Variants in PDE6B observed in about 807,000 individuals in gnomAD.
PDE6B encodes the protein rod cGMP-specific 3',5'-cyclic phosphodiesterase subunit beta.
A neutral mutation model predicts 109.0 loss-of-function variants in PDE6B; 106 were observed. That is an observed-to-expected ratio of 0.97 (90% CI 0.83 to 1.14). The LOEUF is 1.14. PDE6B is among the 50% of genes most tolerant of loss of function. The probability of loss-of-function intolerance (pLI) is 0.00; values close to 1 mark genes in which losing one functional copy is unlikely to be tolerated. For synonymous variants in PDE6B, 490 were observed against 471.3 expected (o/e 1.04, Z -0.51); for missense variants, 1,193 against 1,155.6 (o/e 1.03, Z -0.47).
At position 648,218 on chromosome 4, in the gene PDE6B, G is replaced by A. The variant is rs1339773901; in HGVS notation, c.712-5634G>A. 6.6e-6 allele frequency among the ~76,000 whole-genome samples: 1 copy of A among 152,054 alleles called. No individual in the cohort carries two copies. Among genetic ancestry groups the A allele is most frequent in the Admixed American group, 6.5e-5 (1 of 15,278 alleles). On this transcript the variant is annotated intron_variant, in intron 3 of 21. Coordinates refer to ENST00000496514, the MANE Select transcript of PDE6B (RefSeq NM_000283.4). This position sits in a 1 kb window ranked among gnomAD's most constrained non-coding sequence, Gnocchi z 4.5. ...TTCCAGCCTCTCAGTCTGCAGGCAT[G>A]TGGAGACCAGCTCAAGGTTCTAACA...
At position 662,177 on chromosome 4, in the gene PDE6B, G is replaced by C; in HGVS notation, c.1658G>C (p.Arg553Thr). Residue 553 changes from arginine to threonine, a missense_variant, in exon 13 of 22, where the codon AGA becomes ACA. Physicochemically the swap from Arg to Thr is moderately conservative, Grantham distance 71 (BLOSUM62 -1). Transcript: ENST00000496514. The surrounding 1 kb of genome is among the most constrained non-coding windows in gnomAD (Gnocchi z 4.3). The stretch of plus-strand genomic sequence containing the variant: ...TTCTCCATCAGCAAAGGGTACCGGA[G>C]AATCACCTACCACAACTGGCGCCAC... ...FLFSISKGYRRITYHNWRHGF... is the reference protein window; with the variant it reads ...FLFSISKGYRTITYHNWRHGF... 6.3e-7 allele frequency: 1 copy of C among 1,580,832 alleles called. No homozygotes were observed.
intron 1 of PDE6B, among the ~76,000 whole-genome samples, chr4:628,706 G>T (rs1734237880): frequency 6.6e-6 from 1 of 152,228 alleles, no homozygotes; most frequent in South Asian, 2.1e-4. Flanking sequence ...CCAGGGGTCT[G>T]TCCCAGGAGC....
At position 663,247 on chromosome 4, in the gene PDE6B, G is replaced by C. The variant is rs963351682; in HGVS notation, c.1920+60G>C. 8 of 952,652 alleles carry C rather than the reference G, an allele frequency of 8.4e-6. No individual in the cohort carries two copies. Among genetic ancestry groups the C allele is most frequent in the Non-Finnish European group, 1.4e-5 (8 of 576,286 alleles). The allele number at this position is 952,652 out of a possible 1,614,324, so 59.0% of individuals were successfully genotyped here. A position where few individuals can be genotyped will look rare whatever the true frequency, so the allele number is the denominator to read the frequency against. On this transcript the variant is annotated intron_variant, in intron 15 of 21. Transcript: ENST00000496514. The surrounding 1 kb of genome is among the most constrained non-coding windows in gnomAD (Gnocchi z 4.0). ...GCTGGGGACGCAGCGTCCGCAGGAC[G>C]GCAGGGCCGTATCCTGCGGAGCAGG...
intron 3 of PDE6B, among the ~76,000 whole-genome samples, chr4:646,152 T>C (rs754099734): frequency 2.8e-4 from 42 of 152,096 alleles, no homozygotes; most frequent in Non-Finnish European, 5.0e-4. Context: ...CTTTGAACAT[T>C]TTCTGCTGGG....
chr4:656,429 C>T, intron 8 of PDE6B, 137 bp downstream of exon 8: 1 of 735,802 alleles, frequency 1.4e-6, no homozygotes, highest in Admixed American at 1.9e-5. Context: ...CCTGTAATCC[C>T]AGCACTTTGG....
intron 5 of PDE6B, 142 bp from the exon 6 acceptor site, chr4:654,682 C>CACGTGTGTACACATGCACGGTT (rs2109198427): frequency 1.3e-6 from 1 of 769,556 alleles, no homozygotes; most frequent in South Asian, 1.4e-5. Context: ...GACATCTGTT[C>CACGTGTGTACACATGCACGGTT]ACGTGTGTAC....
At position 665,065 on chromosome 4, in the gene PDE6B, C is replaced by A; in HGVS notation, c.2193+121C>A. 2 of 896,250 alleles carry A rather than the reference C, an allele frequency of 2.2e-6. No homozygotes were observed. The highest frequency in any genetic ancestry group is 1.3e-5 in the South Asian group (1 of 74,078). The allele number at this position is 896,250 out of a possible 1,614,324, so 55.5% of individuals were successfully genotyped here. On this transcript the variant is annotated intron_variant, in intron 18 of 21. Coordinates refer to ENST00000496514, the MANE Select transcript of PDE6B (RefSeq NM_000283.4). This position sits in a 1 kb window ranked among gnomAD's most constrained non-coding sequence, Gnocchi z 4.0. ...TTGCAAGGAGCTCTGAGGGCCACCT[C>A]GGGGCCAGGCCAGGGCGGCAAGGAT...
chr4:656,451 G>A (rs529640312), intron 8 of PDE6B, among the ~76,000 whole-genome samples, 159 bp downstream of exon 8: 3 of 152,132 alleles, frequency 2.0e-5, no homozygotes, highest in Non-Finnish European at 2.9e-5. Context: ...AGGCTGAGGC[G>A]GGTGGATCAC....
rs1022051139 is a variant in PDE6B, at chr4:662,248, G to A, written c.1722+7G>A. The stretch of plus-strand genomic sequence containing the variant: ...GATGTTCACGCTGCTCATGGTACGT[G>A]GCTGCCAGAATCACCAGGGTTGTGC... On this transcript the variant is annotated splice_region_variant and intron_variant, in intron 13 of 21. Coordinates refer to ENST00000496514, the MANE Select transcript of PDE6B (RefSeq NM_000283.4). This position sits in a 1 kb window ranked among gnomAD's most constrained non-coding sequence, Gnocchi z 4.3. The A allele has an allele frequency of 1.3e-6, 2 of 1,503,570 alleles. No individual in the cohort carries two copies. Among genetic ancestry groups the A allele is most frequent in the Non-Finnish European group, 1.8e-6 (2 of 1,100,922 alleles). 93.1% of individuals were successfully genotyped at this position (1,503,570 alleles called of 1,614,324 possible).
intron 3 of PDE6B, chr4:651,471 A>T (rs1735545905): frequency 6.5e-6 from 1 of 153,108 alleles, no homozygotes; most frequent in African/African-American, 2.4e-5. Flanking sequence ...TGAGTTCGGC[A>T]GGAGACAGAC....
At position 634,678 on chromosome 4, in the gene PDE6B, G is replaced by T; in HGVS notation, c.470G>T (p.Cys157Phe). Reference sequence around the variant, plus strand: ...AGCCTCTTTCCTCTCTTGCGGCAGTGCCCTCACTTCAGCTCATTTGCTGAC... The same window carrying T: ...AGCCTCTTTCCTCTCTTGCGGCAGTTCCCTCACTTCAGCTCATTTGCTGAC... The part of the protein sequence containing the change: ...KMVNVEDVAE[C>F]PHFSSFADEL... Residue 157 changes from cysteine to phenylalanine, a missense_variant and splice_region_variant, in exon 2 of 22, where the codon TGC becomes TTC. Physicochemically the swap from Cys to Phe is radical, Grantham distance 205 (BLOSUM62 -2). Coordinates refer to ENST00000496514, the MANE Select transcript of PDE6B (RefSeq NM_000283.4). The T allele has an allele frequency of 6.2e-7, 1 of 1,612,432 alleles. No homozygotes were observed.
rs1577317119 is a variant in PDE6B at position 670,159 on chromosome 4, T to C, written c.*52T>C. ...CTCCCTCAATCTTCACCCACTAGGA[T>C]TTGGGTTCTGCCTGTGGCTATTTGC... On this transcript the variant is annotated 3_prime_UTR_variant, in exon 22 of 22. Transcript: ENST00000496514. 5.0e-6 allele frequency: 8 copies of C among 1,611,276 alleles called. No homozygotes were observed. The East Asian group carries it at 1.8e-4, about 36-fold the overall frequency.
In PDE6B at chr4:657,463, A is replaced by G. The variant is rs574676553; in HGVS notation, c.1370A>G (p.Lys457Arg). 1.2e-6 allele frequency: 2 copies of G among 1,613,384 alleles called. No individual in the cohort carries two copies. The highest frequency in any genetic ancestry group is 4.5e-5 in the East Asian group (2 of 44,874). Residue 457 changes from lysine to arginine, a missense_variant, in exon 10 of 22, where the codon AAG becomes AGG. Coordinates refer to ENST00000496514, the MANE Select transcript of PDE6B (RefSeq NM_000283.4). The stretch of plus-strand genomic sequence containing the variant: ...CAGGACATGGTCCTTTACCACGTGA[A>G]GTGCGACAGGGACGAGATCCAGCTC... ...IAQDMVLYHVKCDRDEIQLIL... is the reference protein window; with the variant it reads ...IAQDMVLYHVRCDRDEIQLIL...
In PDE6B at chr4:665,638, G is replaced by A. The variant is rs548649870; in HGVS notation, c.2268+309G>A. The stretch of plus-strand genomic sequence containing the variant: ...GAACCCCAGCAGGGCCGCGAGCCAT[G>A]CACCAAGAAAGCCCTGGGGAGGGTG... On this transcript the variant is annotated intron_variant, in intron 19 of 21. Transcript: ENST00000496514. The surrounding 1 kb of genome is among the most constrained non-coding windows in gnomAD (Gnocchi z 4.0). Among the ~76,000 whole-genome samples the A allele has an allele frequency of 2.6e-5, 4 of 152,304 alleles. No individual in the cohort carries two copies. The highest frequency in any genetic ancestry group is 4.2e-4 in the South Asian group (2 of 4,818).
intron 3 of PDE6B, among the ~76,000 whole-genome samples, chr4:637,553 A>G (rs970706776): frequency 1.3e-5 from 2 of 152,074 alleles, no homozygotes; most frequent in African/African-American, 4.8e-5. Flanking sequence ...CCCCTGTCTC[A>G]TTGTGTATTT....
intron 3 of PDE6B, among the ~76,000 whole-genome samples, chr4:637,374 C>A (rs1423373616): frequency 6.6e-6 from 1 of 152,088 alleles, no homozygotes; most frequent in Non-Finnish European, 1.5e-5. Flanking sequence ...ACATGTGCCT[C>A]CAGGCCTGGC....
chr4:627,849 C>G (rs1734191458), intron 1 of PDE6B, among the ~76,000 whole-genome samples: 1 of 152,054 alleles, frequency 6.6e-6, no homozygotes, highest in Admixed American at 6.6e-5. Flanking sequence ...CACCCCTTCA[C>G]CCCTTTGTCC....
Position 634,719 on chromosome 4 carries a change from A to C in PDE6B, c.511A>C (p.Lys171Gln). Reference sequence around the variant, plus strand: ...ATTTGCTGACGAGCTCACTGACTACAAGACAAAGAATATGCTGGCCACACC... The same window carrying C: ...ATTTGCTGACGAGCTCACTGACTACCAGACAAAGAATATGCTGGCCACACC... ...SSFADELTDY[K>Q]TKNMLATPIM... The change falls in exon 2 of 22, where the codon AAG (lysine) becomes CAG (glutamine). Residue 171 changes from lysine to glutamine, a missense_variant. Transcript: ENST00000496514. 1 of 1,613,074 alleles carries C rather than the reference A, an allele frequency of 6.2e-7. No individual in the cohort carries two copies. The highest frequency in any genetic ancestry group is 1.1e-5 in the South Asian group (1 of 91,058).
chr4:667,498 TGGGA>T (rs1737931978), intron 20 of PDE6B, among the ~76,000 whole-genome samples: 1 of 152,180 alleles, frequency 6.6e-6, no homozygotes, highest in Admixed American at 6.5e-5. Context: ...CGTGTGTGTG[TGGGA>T]GGGACGGGAG....
Sources: allele counts gnomAD v4.1 joint callset (sites outside exome capture counted in the v4.1 genomes callset), GRCh38; gene constraint gnomAD v4.1.1; non-coding constraint Gnocchi (gnomAD v3.1); transcripts MANE v1.5; gene names NCBI Gene and HGNC (gene_info 2026-07-23, HGNC 2026-07-21).